The following AAK1 variants were observed in gnomAD, a reference collection of about 807,000 sequenced individuals.
The protein encoded by AAK1 is AP2 associated kinase 1, also known as AP2-associated protein kinase 1.
A neutral mutation model predicts 116.0 loss-of-function variants in AAK1; 37 were observed. That is an observed-to-expected ratio of 0.32 (90% CI 0.25 to 0.42). The LOEUF is 0.42. Ranked by LOEUF, AAK1 falls within the 10% of genes least tolerant of loss-of-function variation. AAK1 has a pLI of 1.00. For synonymous variants in AAK1, 458 were observed against 439.9 expected, an observed-to-expected ratio of 1.04 and a Z score of -0.51; for missense variants, 919 against 1,170.6, an observed-to-expected ratio of 0.79 and a Z score of 3.14.
chr2:69,599,960 T>C (rs1673490070), intron 2 of AAK1, among the ~76,000 whole-genome samples: 1 of 151,664 alleles, frequency 6.6e-6, no homozygotes, highest in Non-Finnish European at 1.5e-5. Flanking sequence ...TTTTTTTTTT[T>C]TTGTAGAGAC....
rs768822044 is a variant in AAK1, at chr2:69,544,432, A to T, written c.391+4T>A. ...CAGCTTAAGGGAATGGTTCATATAC[A>T]TACCTCTACAAAAGTCCATCAGAAT... On this transcript the variant is annotated splice_donor_region_variant and intron_variant, in intron 4 of 21. Transcript: ENST00000409085. 30 of 1,600,838 alleles carry T rather than the reference A, an allele frequency of 1.9e-5. No homozygotes were observed. In the South Asian group the frequency reaches 3.0e-4, roughly 16 times the overall value.
At chr2:69,609,444 G>C (rs1673961810) in intron 2 of AAK1, among the ~76,000 whole-genome samples, 2 of 151,744 alleles carry the variant, frequency 1.3e-5, no homozygotes, top group African/African-American at 4.9e-5. Flanking sequence ...CATTTTGGAA[G>C]GCAGAGGCAG....
At chr2:69,628,642 G>A (rs1675022336) in intron 2 of AAK1, among the ~76,000 whole-genome samples, 3 of 152,192 alleles carry the variant, frequency 2.0e-5, no homozygotes, top group Admixed American at 2.0e-4. Context: ...TGCTGGGTGA[G>A]TAGACAGCCA....
intron 2 of AAK1, among the ~76,000 whole-genome samples, chr2:69,607,943 C>T (rs1673882671): frequency 1.3e-5 from 2 of 152,128 alleles, no homozygotes; most frequent in Admixed American, 1.3e-4. Flanking sequence ...ATGTCTCCTG[C>T]CCCCAGGTCC....
In AAK1 at chr2:69,467,364, G is replaced by T; in HGVS notation, c.*8505C>A. ...TATCTAGGTAGAGGTGCCTCAGGGT[G>T]CTCTGGCTTTTAAAATCAAATAGAC... On this transcript the variant is annotated 3_prime_UTR_variant, in exon 22 of 22. Transcript: ENST00000409085. 1.0e-6 allele frequency: 1 copy of T among 985,384 alleles called. No homozygotes were observed. The highest frequency in any genetic ancestry group is 1.2e-6 in the Non-Finnish European group (1 of 829,928). 61.0% of individuals were successfully genotyped at this position (985,384 alleles called of 1,614,324 possible).
chr2:69,557,106 G>C, intron 2 of AAK1, 128 bp from the exon 3 acceptor site: 1 of 682,578 alleles, frequency 1.5e-6, no homozygotes, highest in Non-Finnish European at 2.6e-6. Flanking sequence ...AGCCTTTAGG[G>C]CTAGCCTGTT....
intron 2 of AAK1, among the ~76,000 whole-genome samples, chr2:69,595,215 C>A (rs368114881): frequency 6.6e-6 from 1 of 152,212 alleles, no homozygotes; most frequent in African/African-American, 2.4e-5. Context: ...CAGGTTCAAG[C>A]GATTCTCCTG....
At chr2:69,580,743 A>G (rs1672507598) in intron 2 of AAK1, among the ~76,000 whole-genome samples, 1 of 152,232 alleles carries the variant, frequency 6.6e-6, no homozygotes, top group Admixed American at 6.5e-5. Flanking sequence ...ATACATTTGA[A>G]TCCACTCACT....
intron 2 of AAK1, among the ~76,000 whole-genome samples, chr2:69,590,645 A>C (rs1672988105): frequency 6.6e-6 from 1 of 152,262 alleles, no homozygotes; most frequent in Non-Finnish European, 1.5e-5. Flanking sequence ...AACCATTTTT[A>C]GATTTGCACA....
In AAK1 at chr2:69,530,726, T is replaced by C. The variant is rs1416023967; in HGVS notation, c.657-20A>G. The C allele has an allele frequency of 9.5e-6, 15 of 1,578,236 alleles. No individual in the cohort carries two copies. Among genetic ancestry groups the C allele is most frequent in the Non-Finnish European group, 6.1e-6 (7 of 1,148,646 alleles). ...GTGTATCTACAATCAAGAGATTCAT[T>C]TTTTATTAAATATGTCAATACTATA... is the stretch of plus-strand genomic sequence containing the variant. On this transcript the variant is annotated intron_variant, in intron 6 of 21. Transcript: ENST00000409085.
intron 17 of AAK1, among the ~76,000 whole-genome samples, chr2:69,488,431 C>T (rs1451744786): frequency 2.0e-5 from 3 of 151,786 alleles, no homozygotes; most frequent in Non-Finnish European, 4.4e-5. Context: ...CTGCAAAATC[C>T]CAAAAAGTAA....
intron 6 of AAK1, chr2:69,531,462 T>C (rs1670253299): frequency 8.2e-6 from 3 of 366,856 alleles, no homozygotes; most frequent in Non-Finnish European, 7.6e-6. Context: ...TAGCGAGTGC[T>C]GTTGCCTGTA....
chr2:69,590,031 C>A (rs1672961267), intron 2 of AAK1, among the ~76,000 whole-genome samples: 1 of 152,160 alleles, frequency 6.6e-6, no homozygotes, highest in African/African-American at 2.4e-5. Context: ...CAAAAAACCT[C>A]TGAATGGCTC....
At chr2:69,525,007 CAT>C in intron 10 of AAK1, 24 bp downstream of exon 10, 1 of 1,605,016 alleles carries the variant, frequency 6.2e-7, no homozygotes, top group Non-Finnish European at 8.5e-7. Flanking sequence ...CCAAGGAGGA[CAT>C]GTGTTCATGA....
At chr2:69,625,598 G>A (rs992048032) in intron 2 of AAK1, among the ~76,000 whole-genome samples, 5 of 152,184 alleles carry the variant, frequency 3.3e-5, no homozygotes, top group Non-Finnish European at 5.9e-5. Flanking sequence ...ACAGTATGTG[G>A]TGAGGTCACT....
chr2:69,636,791 C>T (rs1410868367), intron 2 of AAK1, among the ~76,000 whole-genome samples: 1 of 151,936 alleles, frequency 6.6e-6, no homozygotes, highest in Non-Finnish European at 1.5e-5. Flanking sequence ...CCTCTGCCTC[C>T]CGGATTCAAG....
At chr2:69,500,698 T>TATATATATATATATATATATACAC in intron 16 of AAK1, among the ~76,000 whole-genome samples, 1 of 65,098 alleles carries the variant, frequency 1.5e-5, no homozygotes, top group Non-Finnish European at 2.6e-5. Context: ...TATATATATA[T>TATATATATATATATATATATACAC]ACACACACAC....
intron 5 of AAK1, among the ~76,000 whole-genome samples, chr2:69,533,864 T>A (rs555960720): frequency 2.0e-5 from 3 of 152,336 alleles, no homozygotes; most frequent in African/African-American, 7.2e-5. Context: ...TTATGAAAGA[T>A]TAGGAGAGAT....
intron 2 of AAK1, among the ~76,000 whole-genome samples, chr2:69,558,339 C>CAA (rs35878234): frequency 0.016 from 2,170 of 133,656 alleles, 43 homozygotes; most frequent in African/African-American, 0.048. Flanking sequence ...GACCCTGTCT[C>CAA]AAAAAAAAAA....
Sources: gnomAD v4.1 joint callset for allele counts (sites outside exome capture counted in the v4.1 genomes callset) on GRCh38, gnomAD v4.1.1 for gene constraint, MANE v1.5 for transcripts, NCBI Gene and HGNC (gene_info 2026-07-23, HGNC 2026-07-21) for gene names.